Variants in KCNQ4 observed in about 807,000 individuals in gnomAD.
The protein encoded by KCNQ4 is potassium voltage-gated channel subfamily Q member 4, also known as potassium voltage-gated channel subfamily KQT member 4.
A neutral mutation model predicts 72.6 loss-of-function variants in KCNQ4; 31 were observed. That is an observed-to-expected ratio of 0.43 (90% confidence interval 0.32 to 0.58). KCNQ4 has a LOEUF of 0.58. Among genes scored for constraint, KCNQ4 ranks in the 20% least tolerant of loss-of-function variants. The pLI is 0.08. For missense variants in KCNQ4, 869 were observed against 962.6 expected, an observed-to-expected ratio of 0.90 and a Z score of 1.29; for synonymous variants, 405 against 403.7, an observed-to-expected ratio of 1.00 and a Z score of -0.04.
Position 40,784,104 on chromosome 1 carries a change from C to G in KCNQ4, c.11C>G (p.Ala4Gly). The G allele has an allele frequency of 1.0e-5, 5 of 485,518 alleles. No individual in the cohort carries two copies. The highest frequency in any genetic ancestry group is 7.9e-5 in the South Asian group (1 of 12,630). 30.1% of individuals were successfully genotyped at this position (485,518 alleles called of 1,614,324 possible). A position where few individuals can be genotyped will look rare whatever the true frequency, so the allele number is the denominator to read the frequency against. ...AGCCCGGCGCCGCCCATGGCCGAGG[C>G]CCCCCCGCGCCGCCTCGGCCTGGGT... is the stretch of plus-strand genomic sequence containing the variant. The part of the protein sequence containing the change: MAE[A>G]PPRRLGLGPP... Residue 4 changes from alanine (A) to glycine (G), a missense_variant, in exon 1 of 14, where the codon GCC (alanine) becomes GGC (glycine). By Grantham distance (60) the Ala-to-Gly change is moderately conservative (BLOSUM62 0). Coordinates refer to ENST00000347132, the MANE Select transcript of KCNQ4 (RefSeq NM_004700.4). The surrounding 1 kb of genome is among the most constrained non-coding windows in gnomAD (Gnocchi z 4.1).
intron 9 of KCNQ4, among the ~76,000 whole-genome samples, chr1:40,828,335 T>A (rs1648543514): frequency 6.6e-6 from 1 of 152,186 alleles, no homozygotes; most frequent in Admixed American, 6.5e-5. Context: ...TTGGCATCAT[T>A]GACATTAGAT....
rs557454853 is a variant in KCNQ4 at position 40,790,958 on chromosome 1, C to T, written c.314+6551C>T. Among the ~76,000 whole-genome samples, 6 of 152,234 alleles carry T rather than the reference C, an allele frequency of 3.9e-5. No individual in the cohort carries two copies. The South Asian group carries it at 1.2e-3, about 32-fold the overall frequency. The stretch of plus-strand genomic sequence containing the variant: ...GTATGCCAGAGGGCCACTGTGCGGC[C>T]GAGTTTGGGCCTCATGGTCCAACCC... On this transcript the variant is annotated intron_variant, in intron 1 of 13. Coordinates refer to ENST00000347132, the MANE Select transcript of KCNQ4 (RefSeq NM_004700.4).
At chr1:40,807,008 C>T (rs2148308523) in intron 1 of KCNQ4, among the ~76,000 whole-genome samples, 1 of 152,266 alleles carries the variant, frequency 6.6e-6, no homozygotes, top group African/African-American at 2.4e-5. Context: ...AAGGGGCCGG[C>T]TGAGAGGGCT....
At chr1:40,818,442 C>A (rs949413242) in intron 3 of KCNQ4, 63 bp from the exon 4 acceptor site, 244 of 1,553,622 alleles carry the variant, frequency 1.6e-4, no homozygotes, top group Non-Finnish European at 1.8e-4. Flanking sequence ...CCCCAGAAGT[C>A]CCCGCCTCCG....
chr1:40,834,908 T>C, intron 11 of KCNQ4, 59 bp from the exon 12 acceptor site: 1 of 1,602,948 alleles, frequency 6.2e-7, no homozygotes, highest in Non-Finnish European at 8.5e-7. Context: ...ATGGAGAGGG[T>C]GCTGGGAAAG....
At chr1:40,796,625 C>G (rs1483776886) in intron 1 of KCNQ4, among the ~76,000 whole-genome samples, 1 of 152,060 alleles carries the variant, frequency 6.6e-6, no homozygotes, top group Non-Finnish European at 1.5e-5. Context: ...CCTTAAAGTT[C>G]AAGGTCCTGG....
intron 1 of KCNQ4, among the ~76,000 whole-genome samples, chr1:40,801,926 G>C (rs1450301777): frequency 5.3e-5 from 8 of 152,140 alleles, no homozygotes; most frequent in Non-Finnish European, 2.9e-5. Flanking sequence ...GGTGGGATTT[G>C]GGGAGGTCCT....
chr1:40,817,148 A>G lies in KCNQ4; in HGVS notation c.315-117A>G. ...CCAGGGAATTCCAATTCTGATTTCC[A>G]CATAATTTTCTGAAAATAATGTTCT... On this transcript the variant is annotated intron_variant, in intron 1 of 13. Transcript: ENST00000347132. This position sits in a 1 kb window ranked among gnomAD's most constrained non-coding sequence, Gnocchi z 5.5. The G allele has an allele frequency of 1.2e-6, 1 of 816,586 alleles. No individual in the cohort carries two copies. The highest frequency in any genetic ancestry group is 2.1e-6 in the Non-Finnish European group (1 of 480,196). 50.6% of individuals were successfully genotyped at this position (816,586 alleles called of 1,614,324 possible). A position where few individuals can be genotyped will look rare whatever the true frequency, so the allele number is the denominator to read the frequency against.
At chr1:40,830,994 C>A in intron 9 of KCNQ4, 90 bp from the exon 10 acceptor site, 1 of 1,130,200 alleles carries the variant, frequency 8.8e-7, no homozygotes, top group Non-Finnish European at 1.3e-6. Flanking sequence ...CTAATAGCCA[C>A]CCCCAAGTCC....
At chr1:40,814,115 G>A (rs1346834797) in intron 1 of KCNQ4, among the ~76,000 whole-genome samples, 1 of 133,664 alleles carries the variant, frequency 7.5e-6, no homozygotes, top group Non-Finnish European at 1.5e-5. Flanking sequence ...GTGCAATGGT[G>A]CCATCTTGGC....
intron 9 of KCNQ4, among the ~76,000 whole-genome samples, chr1:40,825,194 C>T (rs1467038021): frequency 1.3e-5 from 2 of 152,180 alleles, no homozygotes; most frequent in Admixed American, 6.5e-5. Flanking sequence ...CTTCACACAT[C>T]ACCCCTGAAC....
intron 1 of KCNQ4, among the ~76,000 whole-genome samples, chr1:40,793,004 CTTTT>C (rs10549805): frequency 1.7e-4 from 19 of 109,062 alleles, no homozygotes; most frequent in Admixed American, 8.8e-4. Context: ...TTCTTTCTTT[CTTTT>C]TTTTTTTTTT....
intron 9 of KCNQ4, among the ~76,000 whole-genome samples, chr1:40,827,921 G>A (rs1178179601): frequency 2.6e-5 from 4 of 152,164 alleles, no homozygotes; most frequent in Non-Finnish European, 4.4e-5. Flanking sequence ...AAAGAAAATA[G>A]CTTAGAAACC....
chr1:40,818,711 G>A, intron 4 of KCNQ4, 31 bp downstream of exon 4: 1 of 1,562,216 alleles, frequency 6.4e-7, no homozygotes, highest in African/African-American at 1.4e-5. Context: ...GCGGAGACCC[G>A]AGGGCGTGTC....
chr1:40,810,194 C>A (rs937993828), intron 1 of KCNQ4, among the ~76,000 whole-genome samples: 1 of 152,204 alleles, frequency 6.6e-6, no homozygotes, highest in Non-Finnish European at 1.5e-5. Context: ...TAGGCCACAC[C>A]ATCCAGAACT....
At chr1:40,802,715 C>T (rs919814849) in intron 1 of KCNQ4, among the ~76,000 whole-genome samples, 12 of 152,190 alleles carry the variant, frequency 7.9e-5, no homozygotes. Context: ...GTACCTCTCC[C>T]GAGAAGTCGC....
chr1:40,802,729 G>C (rs931257498), intron 1 of KCNQ4, among the ~76,000 whole-genome samples: 3 of 152,172 alleles, frequency 2.0e-5, no homozygotes, highest in South Asian at 2.1e-4. Flanking sequence ...AAGTCGCGCA[G>C]GGTGTCTGCT....
At chr1:40,825,613 G>C (rs1232417102) in intron 9 of KCNQ4, among the ~76,000 whole-genome samples, 1 of 152,044 alleles carries the variant, frequency 6.6e-6, no homozygotes, top group Non-Finnish European at 1.5e-5. Flanking sequence ...GTGACTGCCA[G>C]GCCAGGCTGA....
chr1:40,829,059 T>C (rs1185191632), intron 9 of KCNQ4, among the ~76,000 whole-genome samples: 4 of 152,262 alleles, frequency 2.6e-5, no homozygotes, highest in Non-Finnish European at 2.9e-5. Flanking sequence ...CAGCCTTGCT[T>C]GCATTACTTC....
Sources: gnomAD v4.1 joint callset for allele counts (sites outside exome capture counted in the v4.1 genomes callset) on GRCh38, gnomAD v4.1.1 for gene constraint, Gnocchi (gnomAD v3.1) non-coding constraint, MANE v1.5 for transcripts, NCBI Gene and HGNC (gene_info 2026-07-23, HGNC 2026-07-21) for gene names.